The following PLEKHG4B variants were observed in gnomAD, a reference collection of about 807,000 sequenced individuals.
PLEKHG4B encodes the protein pleckstrin homology and RhoGEF domain containing G4B, also known as pleckstrin homology domain-containing family G member 4B.
PLEKHG4B carries 111 observed loss-of-function variants against 121.3 expected under a neutral mutation model. The observed-to-expected ratio is 0.92, with a 90% CI of 0.78 to 1.07. The LOEUF (loss-of-function observed/expected upper bound fraction) is 1.07, where lower values mean the gene tolerates loss of function less well. PLEKHG4B is among the 50% of genes least tolerant of loss of function. The pLI is 0.00. For synonymous variants in PLEKHG4B, 738 were observed against 725.0 expected, an observed-to-expected ratio of 1.02 and a Z score of -0.29; for missense variants, 1,831 against 1,757.8, an observed-to-expected ratio of 1.04 and a Z score of -0.74.
intron 2 of PLEKHG4B, among the ~76,000 whole-genome samples, chr5:128,025 A>T (rs1020756142): frequency 2.6e-5 from 4 of 152,216 alleles, no homozygotes; most frequent in African/African-American, 7.2e-5. Flanking sequence ...GGGAGTGTTC[A>T]GGTAAAGATA....
intron 2 of PLEKHG4B, among the ~76,000 whole-genome samples, chr5:134,078 T>TATATAC (rs1734866937): frequency 1.6e-4 from 1 of 6,242 alleles, no homozygotes; most frequent in Non-Finnish European, 2.7e-4. Context: ...TATGATAGAA[T>TATATAC]ATATATATAT....
rs752418271 is a variant in PLEKHG4B, at chr5:148,365, AAAT to A, written c.1906-3145_1906-3143del. 2.1e-3 allele frequency among the ~76,000 whole-genome samples: 324 copies of A among 152,136 alleles called. 1 individual carries two copies. The highest frequency in any genetic ancestry group is 3.4e-3 in the Middle Eastern group (1 of 294). The stretch of plus-strand genomic sequence containing the variant: ...TCCACAAAAAAAAAAAAATAAATAA[AAAT>A]AAGTTAATTCAGCAAAGTAGCAGGA... On this transcript the variant is annotated intron_variant, in intron 6 of 19. Coordinates refer to ENST00000637938, the MANE Select transcript of PLEKHG4B (RefSeq NM_052909.5).
Position 140,539 on chromosome 5 carries a change from C to A in PLEKHG4B, c.1300C>A (p.Pro434Thr). Residue 434 changes from proline (P) to threonine (T), a missense_variant, in exon 3 of 20, where the codon CCC becomes ACC. By Grantham distance (38) the Pro-to-Thr change is conservative. Coordinates refer to ENST00000637938, the MANE Select transcript of PLEKHG4B (RefSeq NM_052909.5). The part of the protein sequence containing the change: ...TGPGAAGRTL[P>T]RRSRSWERAP... ...TCCAGGAGCTGCAGGGCGGACTCTTCCCAGGAGATCTCGGTCCTGGGAAAG... is the reference window on the plus strand; with the variant it reads ...TCCAGGAGCTGCAGGGCGGACTCTTACCAGGAGATCTCGGTCCTGGGAAAG... 1 of 1,602,194 alleles carries A rather than the reference C, an allele frequency of 6.2e-7. No individual in the cohort carries two copies. The highest frequency in any genetic ancestry group is 8.5e-7 in the Non-Finnish European group (1 of 1,174,942).
intron 1 of PLEKHG4B, among the ~76,000 whole-genome samples, chr5:110,990 A>G (rs1734140959): frequency 6.6e-6 from 1 of 152,244 alleles, no homozygotes; most frequent in African/African-American, 2.4e-5. Context: ...AGGCCTGGAC[A>G]CAGCTGGCAG....
At chr5:109,392 G>T (rs1477555793) in intron 1 of PLEKHG4B, among the ~76,000 whole-genome samples, 2 of 111,264 alleles carry the variant, frequency 1.8e-5, no homozygotes, top group East Asian at 2.3e-4. Context: ...GCAAGACTCT[G>T]TCTCCAAAAA....
chr5:132,989 G>A (rs1734822366), intron 2 of PLEKHG4B, among the ~76,000 whole-genome samples: 1 of 152,150 alleles, frequency 6.6e-6, no homozygotes, highest in African/African-American at 2.4e-5. Flanking sequence ...TGGCAGTTTG[G>A]TCATTTCACA....
Position 163,124 on chromosome 5 carries a change from C to A in PLEKHG4B, c.3052C>A (p.Leu1018Met). Residue 1018 changes from leucine to methionine, a missense_variant, in exon 13 of 20, where the codon CTG becomes ATG. Coordinates refer to ENST00000637938, the MANE Select transcript of PLEKHG4B (RefSeq NM_052909.5). ...PLSGLPGRAL[L>M]CGQDGETLRP... ...GTCCGGCCTCCCTGGACGAGCGCTT[C>A]TGTGTGGACAGGACGGGGAGACCCT... 2 of 1,565,598 alleles carry A rather than the reference C, an allele frequency of 1.3e-6. No homozygotes were observed. The highest frequency in any genetic ancestry group is 4.6e-5 in the East Asian group (2 of 43,238).
intron 1 of PLEKHG4B, among the ~76,000 whole-genome samples, chr5:96,135 T>C (rs528720300): frequency 5.9e-5 from 9 of 152,352 alleles, no homozygotes; most frequent in Admixed American, 2.6e-4. Flanking sequence ...GGATTCAGGC[T>C]GTGCACACAC....
At chr5:175,096 G>C (rs527646677) in intron 18 of PLEKHG4B, among the ~76,000 whole-genome samples, 2 of 152,072 alleles carry the variant, frequency 1.3e-5, no homozygotes, top group African/African-American at 4.8e-5. Context: ...AAGGCACTGC[G>C]GCAACCCGAG....
In PLEKHG4B at chr5:156,828, A is replaced by G; in HGVS notation, c.2404A>G (p.Arg802Gly). The G allele has an allele frequency of 1.9e-6, 3 of 1,594,346 alleles. No homozygotes were observed. The highest frequency in any genetic ancestry group is 2.6e-6 in the Non-Finnish European group (3 of 1,171,080). ...CGACCGAGTGGATGAGGAGGTGCACAGGCTGGTCCTCACCTCGAACAATCG... is the reference window on the plus strand; with the variant it reads ...CGACCGAGTGGATGAGGAGGTGCACGGGCTGGTCCTCACCTCGAACAATCG... ...LYDRVDEEVH[R>G]LVLTSNNRLQ... Residue 802 changes from arginine (R) to glycine (G), a missense_variant, in exon 11 of 20, where the codon AGG becomes GGG. By Grantham distance (125) the Arg-to-Gly change is moderately radical. Transcript: ENST00000637938. The surrounding 1 kb of genome is among the most constrained non-coding windows in gnomAD (Gnocchi z 4.4).
chr5:110,628 AAC>A (rs2126352973), intron 1 of PLEKHG4B, among the ~76,000 whole-genome samples: 1 of 150,890 alleles, frequency 6.6e-6, no homozygotes, highest in South Asian at 2.1e-4. Flanking sequence ...GCCACTCTGC[AAC>A]ACACGTGCAC....
rs892547741 is a variant in PLEKHG4B at position 189,753 on chromosome 5, A to T, written c.*7430A>T. 2 of 152,056 alleles carry T rather than the reference A, an allele frequency of 1.3e-5. No individual in the cohort carries two copies. Among genetic ancestry groups the T allele is most frequent in the African/African-American group, 4.8e-5 (2 of 41,390 alleles). 9.4% of individuals were successfully genotyped at this position (152,056 alleles called of 1,614,324 possible). On this transcript the variant is annotated 3_prime_UTR_variant, in exon 20 of 20. Transcript: ENST00000637938. Reference sequence around the variant, plus strand: ...CAGACCTTGGCTGACCTTCCTAGCCATGGTCTCCACCCTCCGAGACCCAGG... The same window carrying T: ...CAGACCTTGGCTGACCTTCCTAGCCTTGGTCTCCACCCTCCGAGACCCAGG...
Position 171,223 on chromosome 5 carries a change from C to G in PLEKHG4B, c.3829C>G (p.Arg1277Gly). Residue 1277 changes from arginine to glycine, a missense_variant, in exon 16 of 20, where the codon CGG becomes GGG. By Grantham distance (125) the Arg-to-Gly change is moderately radical. Coordinates refer to ENST00000637938, the MANE Select transcript of PLEKHG4B (RefSeq NM_052909.5). ...CACCCGGCCCTTGCAGGACAAGCAG[C>G]GGGAGCTAGGTGACAAAATGGACCT... ...HGNAFFKDKQ[R>G]ELGDKMDLAS... 1 of 1,605,094 alleles carries G rather than the reference C, an allele frequency of 6.2e-7. No homozygotes were observed. Among genetic ancestry groups the G allele is most frequent in the Non-Finnish European group, 8.5e-7 (1 of 1,174,334 alleles).
In PLEKHG4B at chr5:151,496, T is replaced by C; in HGVS notation, c.1906-17T>C. The stretch of plus-strand genomic sequence containing the variant: ...TTAGAAAGCTAATCAGTAATATTTA[T>C]TTCTTATTTATTTCAGAACAACACA... On this transcript the variant is annotated splice_polypyrimidine_tract_variant and intron_variant, in intron 6 of 19. Coordinates refer to ENST00000637938, the MANE Select transcript of PLEKHG4B (RefSeq NM_052909.5). 4 of 1,481,642 alleles carry C rather than the reference T, an allele frequency of 2.7e-6. No homozygotes were observed. The highest frequency in any genetic ancestry group is 3.7e-6 in the Non-Finnish European group (4 of 1,075,438). The allele number at this position is 1,481,642 out of a possible 1,614,324, so 91.8% of individuals were successfully genotyped here. A position where few individuals can be genotyped will look rare whatever the true frequency, so the allele number is the denominator to read the frequency against.
At chr5:97,260 A>C (rs978467311) in intron 1 of PLEKHG4B, among the ~76,000 whole-genome samples, 1 of 151,340 alleles carries the variant, frequency 6.6e-6, no homozygotes, top group Non-Finnish European at 1.5e-5. Flanking sequence ...CCTCATTCCG[A>C]AGTCAAAACC....
At position 140,621 on chromosome 5, in the gene PLEKHG4B, C is replaced by T. The variant is rs1335219986; in HGVS notation, c.1382C>T (p.Ser461Leu). 1.2e-6 allele frequency: 2 copies of T among 1,610,946 alleles called. No individual in the cohort carries two copies. Among genetic ancestry groups the T allele is most frequent in the South Asian group, 1.1e-5 (1 of 90,966 alleles). The change falls in exon 3 of 20, where the codon TCA (serine) becomes TTA (leucine). Residue 461 changes from serine (S) to leucine (L), a missense_variant. Transcript: ENST00000637938. ...QAAACHTSHH[S>L]AGSRPGGHLG... ...GCAGCCTGCCACACCTCCCACCACT[C>T]AGCAGGCTCCAGGCCTGGGGGCCAC... is the stretch of plus-strand genomic sequence containing the variant.
At chr5:143,583 G>A in intron 5 of PLEKHG4B, 80 bp downstream of exon 5, 1 of 1,550,934 alleles carries the variant, frequency 6.4e-7, no homozygotes, top group Non-Finnish European at 8.8e-7. Context: ...GGGGCACGGG[G>A]AGGTGCCAGC....
In PLEKHG4B at chr5:182,382, G is replaced by T. The variant is rs10040005; in HGVS notation, c.*59G>T. On this transcript the variant is annotated 3_prime_UTR_variant, in exon 20 of 20. Transcript: ENST00000637938. ...TAGAACAATACAGAGGGAGCAGCAC[G>T]CCAGGCCTGATGACTCTGGGGGTGG... 5.3e-6 allele frequency: 8 copies of T among 1,495,540 alleles called. No homozygotes were observed. The Admixed American group carries it at 1.0e-4, about 19-fold the overall frequency. 92.6% of individuals were successfully genotyped at this position (1,495,540 alleles called of 1,614,324 possible).
chr5:162,898 C>A lies in PLEKHG4B; in HGVS notation c.2826C>A (p.Asp942Glu). The A allele has an allele frequency of 1.3e-6, 2 of 1,533,506 alleles. No individual in the cohort carries two copies. The highest frequency in any genetic ancestry group is 8.8e-7 in the Non-Finnish European group (1 of 1,139,504). The allele number at this position is 1,533,506 out of a possible 1,614,324, so 95.0% of individuals were successfully genotyped here. Residue 942 changes from aspartate to glutamate, a missense_variant, in exon 13 of 20, where the codon GAC becomes GAA. By Grantham distance (45) the Asp-to-Glu change is conservative. Transcript: ENST00000637938. Reference sequence around the variant, plus strand: ...GGAAACCGTGGGCATCACAGCAAGACCTGTGGCTGCAGTACCCCCAGACCC... The same window carrying A: ...GGAAACCGTGGGCATCACAGCAAGAACTGTGGCTGCAGTACCCCCAGACCC... ...ALGKPWASQQ[D>E]LWLQYPQTRL...
Sources: allele counts gnomAD v4.1 joint callset (sites outside exome capture counted in the v4.1 genomes callset), GRCh38; gene constraint gnomAD v4.1.1; non-coding constraint Gnocchi (gnomAD v3.1); transcripts MANE v1.5; gene names NCBI Gene and HGNC (gene_info 2026-07-23, HGNC 2026-07-21).